Variants in ADGRB3 observed in about 807,000 individuals in gnomAD.
The protein encoded by ADGRB3 is adhesion G protein-coupled receptor B3.
A neutral mutation model predicts 193.4 loss-of-function variants in ADGRB3; 37 were observed. The observed-to-expected ratio is 0.19, with a 90% CI of 0.15 to 0.25. The LOEUF (loss-of-function observed/expected upper bound fraction) is 0.25. ADGRB3 is among the 10% of genes least tolerant of loss of function. ADGRB3 has a pLI of 1.00. For synonymous variants in ADGRB3, 690 were observed against 644.2 expected (o/e 1.07, Z -1.08); for missense variants, 1,637 against 1,852.9 (o/e 0.88, Z 2.14).
chr6:68,774,370 A>ATT (rs77553495), intron 3 of ADGRB3, among the ~76,000 whole-genome samples: 2,783 of 130,330 alleles, frequency 0.021, 46 homozygotes, highest in South Asian at 0.065. Context: ...CACTATGCCT[A>ATT]TTTTTTTTTT....
chr6:68,978,437 A>G (rs1178472856), intron 10 of ADGRB3, among the ~76,000 whole-genome samples: 1 of 151,570 alleles, frequency 6.6e-6, no homozygotes, highest in Non-Finnish European at 1.5e-5. Flanking sequence ...TGAAATATAC[A>G]CACACATTTG....
chr6:69,220,763 A>G (rs913027241), intron 17 of ADGRB3, among the ~76,000 whole-genome samples: 11 of 152,152 alleles, frequency 7.2e-5, no homozygotes, highest in African/African-American at 2.7e-4. Context: ...TAACATATTA[A>G]GAAGTAATAG....
chr6:68,996,918 G>A (rs957449857), intron 11 of ADGRB3, among the ~76,000 whole-genome samples: 1 of 152,198 alleles, frequency 6.6e-6, no homozygotes, highest in African/African-American at 2.4e-5. Flanking sequence ...AAAAGTAGTG[G>A]TAATAATCAC....
chr6:69,111,551 T>C (rs1773366924), intron 17 of ADGRB3, among the ~76,000 whole-genome samples: 1 of 152,236 alleles, frequency 6.6e-6, no homozygotes, highest in South Asian at 2.1e-4. Flanking sequence ...AGCGTGTCCT[T>C]GGTGACATTA....
chr6:69,272,081 A>G (rs1767193309), intron 20 of ADGRB3, among the ~76,000 whole-genome samples: 1 of 152,204 alleles, frequency 6.6e-6, no homozygotes, highest in Admixed American at 6.5e-5. Flanking sequence ...GTAAAACAAA[A>G]GAGCAAACAT....
chr6:69,291,800 G>C (rs959581126), intron 20 of ADGRB3, among the ~76,000 whole-genome samples: 1 of 152,126 alleles, frequency 6.6e-6, no homozygotes, highest in Admixed American at 6.5e-5. Context: ...ATTTGATAAA[G>C]AGCACATGCA....
intron 3 of ADGRB3, among the ~76,000 whole-genome samples, chr6:68,665,075 T>G (rs1325251683): frequency 6.6e-6 from 1 of 151,736 alleles, no homozygotes; most frequent in Non-Finnish European, 1.5e-5. Flanking sequence ...CCTTCTTTAC[T>G]GGCCAAGATA....
chr6:68,670,624 T>G (rs983331041), intron 3 of ADGRB3, among the ~76,000 whole-genome samples: 3 of 151,910 alleles, frequency 2.0e-5, no homozygotes, highest in African/African-American at 4.8e-5. Flanking sequence ...TATGTTTCTG[T>G]TTTTTATGCC....
intron 11 of ADGRB3, among the ~76,000 whole-genome samples, chr6:69,002,376 G>A (rs559249373): frequency 3.3e-5 from 5 of 151,906 alleles, no homozygotes; most frequent in South Asian, 2.1e-4. Flanking sequence ...ATACCACCAC[G>A]CCTGGCTAAT....
intron 28 of ADGRB3, 91 bp from the exon 29 acceptor site, chr6:69,360,778 A>T: frequency 2.3e-6 from 3 of 1,278,470 alleles, no homozygotes; most frequent in Non-Finnish European, 3.2e-6. Flanking sequence ...TATATCTTTA[A>T]TGTTTAGTAG....
At chr6:69,136,089 T>C (rs933787941) in intron 17 of ADGRB3, among the ~76,000 whole-genome samples, 17 of 152,044 alleles carry the variant, frequency 1.1e-4, no homozygotes, top group Admixed American at 2.6e-4. Flanking sequence ...TGAATATATG[T>C]ATATGTACAT....
intron 8 of ADGRB3, among the ~76,000 whole-genome samples, chr6:68,965,026 T>C (rs1429496459): frequency 6.6e-6 from 1 of 152,204 alleles, no homozygotes; most frequent in Non-Finnish European, 1.5e-5. Context: ...ACACTTTCTG[T>C]CTTGACTTCC....
intron 3 of ADGRB3, among the ~76,000 whole-genome samples, chr6:68,664,631 C>T (rs1196739525): frequency 1.3e-5 from 2 of 151,826 alleles, no homozygotes; most frequent in African/African-American, 2.4e-5. Flanking sequence ...TGCTCTGTTA[C>T]ACCTGCCCAA....
intron 20 of ADGRB3, among the ~76,000 whole-genome samples, chr6:69,267,766 A>G (rs1767079802): frequency 6.6e-6 from 1 of 152,124 alleles, no homozygotes; most frequent in African/African-American, 2.4e-5. Flanking sequence ...TTTTAATTAC[A>G]TTACCCTGCC....
intron 30 of ADGRB3, among the ~76,000 whole-genome samples, chr6:69,381,533 T>A (rs1213160678): frequency 2.0e-5 from 3 of 151,942 alleles, no homozygotes; most frequent in Admixed American, 1.3e-4. Context: ...TACATATTTA[T>A]TAAATATAGG....
chr6:68,987,047 A>G (rs1466927783), intron 10 of ADGRB3, among the ~76,000 whole-genome samples: 1 of 152,074 alleles, frequency 6.6e-6, no homozygotes, highest in African/African-American at 2.4e-5. Flanking sequence ...TCCCCCTTTC[A>G]CTGTTGATCT....
At chr6:69,045,232 G>A (rs962872938) in intron 13 of ADGRB3, among the ~76,000 whole-genome samples, 1 of 152,112 alleles carries the variant, frequency 6.6e-6, no homozygotes, top group African/African-American at 2.4e-5. Context: ...AGAAGTAAAA[G>A]TCATCTATAA....
At chr6:68,897,275 A>G (rs1582294352) in intron 3 of ADGRB3, among the ~76,000 whole-genome samples, 1 of 151,694 alleles carries the variant, frequency 6.6e-6, no homozygotes, top group African/African-American at 2.4e-5. Flanking sequence ...CAGGCAGATT[A>G]CTTGAGCCCA....
intron 20 of ADGRB3, among the ~76,000 whole-genome samples, chr6:69,287,344 T>C (rs1373654464): frequency 6.6e-6 from 1 of 152,128 alleles, no homozygotes; most frequent in African/African-American, 2.4e-5. Flanking sequence ...TCCTCAAGAT[T>C]GAGAGGACAG....
Sources: gnomAD v4.1 joint callset for allele counts (sites outside exome capture counted in the v4.1 genomes callset) on GRCh38, gnomAD v4.1.1 for gene constraint, MANE v1.5 for transcripts, NCBI Gene and HGNC (gene_info 2026-07-23, HGNC 2026-07-21) for gene names.